Variants in SOX5 observed in about 807,000 individuals in gnomAD.
SOX5 encodes SRY-box transcription factor 5, also known as transcription factor SOX-5.
Under a neutral mutation model 92.0 loss-of-function variants are expected in SOX5, and 9 were observed. That is an observed-to-expected ratio of 0.10 (90% CI 0.06 to 0.17). The LOEUF (loss-of-function observed/expected upper bound fraction) is 0.17. Ranked by LOEUF, SOX5 falls within the 10% of genes least tolerant of loss-of-function variation. The pLI is 1.00. For synonymous variants in SOX5, 344 were observed against 336.3 expected (o/e 1.02, Z -0.25); for missense variants, 642 against 944.5 (o/e 0.68, Z 4.20).
At chr12:24,472,742 G>A (rs1208974353) in intron 1 of SOX5, among the ~76,000 whole-genome samples, 1 of 151,914 alleles carries the variant, frequency 6.6e-6, no homozygotes, top group African/African-American at 2.4e-5. Flanking sequence ...CTATCAATAA[G>A]AACATTATCA....
rs1259766767 is a variant in SOX5, at chr12:24,074,129, T to C, written c.-2+139214A>G. Reference sequence around the variant, plus strand: ...CTCTTGTTCCTCTTTCAAATTCATGTTTTATTTCTAAATTCATAAATGTAT... The same window carrying C: ...CTCTTGTTCCTCTTTCAAATTCATGCTTTATTTCTAAATTCATAAATGTAT... On this transcript the variant is annotated intron_variant, in intron 4 of 4. Coordinates refer to the SOX5 transcript ENST00000446891. 2.0e-5 allele frequency among the ~76,000 whole-genome samples: 3 copies of C among 152,132 alleles called. No individual in the cohort carries two copies. In the East Asian group the frequency reaches 5.8e-4, roughly 29 times the overall value.
intron 2 of SOX5, among the ~76,000 whole-genome samples, chr12:23,880,069 C>T (rs939524010): frequency 6.6e-6 from 1 of 152,142 alleles, no homozygotes; most frequent in Admixed American, 6.5e-5. Context: ...CAGCAGTACC[C>T]TAAGAAAGAA....
At chr12:23,921,171 T>A (rs1938141256) in intron 1 of SOX5, among the ~76,000 whole-genome samples, 1 of 152,086 alleles carries the variant, frequency 6.6e-6, no homozygotes, top group Admixed American at 6.5e-5. Flanking sequence ...GGAAGCCTAA[T>A]AAAGAAGTAC....
chr12:24,268,575 T>C (rs1943305676), intron 3 of SOX5, among the ~76,000 whole-genome samples: 1 of 152,210 alleles, frequency 6.6e-6, no homozygotes, highest in Non-Finnish European at 1.5e-5. Flanking sequence ...TAATGAATTA[T>C]TAAGAAACAA....
intron 4 of SOX5, among the ~76,000 whole-genome samples, chr12:23,968,852 T>A (rs1306192004): frequency 6.6e-6 from 1 of 152,204 alleles, no homozygotes; most frequent in East Asian, 1.9e-4. Context: ...CTTTGAATCT[T>A]CGAGATGCTT....
chr12:23,775,650 T>A (rs182710937), intron 3 of SOX5, among the ~76,000 whole-genome samples: 133 of 152,342 alleles, frequency 8.7e-4, no homozygotes, highest in Non-Finnish European at 1.5e-3. Context: ...CCTTCATTTA[T>A]TTCTCCACAG....
At chr12:23,682,097 G>T (rs140731466) in intron 6 of SOX5, among the ~76,000 whole-genome samples, 3 of 151,776 alleles carry the variant, frequency 2.0e-5, no homozygotes, top group African/African-American at 7.2e-5. Context: ...ATGGATATAT[G>T]TAGAATTCTG....
At chr12:24,094,458 T>C (rs1945077595) in intron 4 of SOX5, among the ~76,000 whole-genome samples, 1 of 151,204 alleles carries the variant, frequency 6.6e-6, no homozygotes, top group Admixed American at 6.6e-5. Flanking sequence ...TAGTGGCTTT[T>C]TTTTTTTTTT....
At chr12:24,122,493 A>G (rs1333137661) in intron 4 of SOX5, among the ~76,000 whole-genome samples, 4 of 152,224 alleles carry the variant, frequency 2.6e-5, no homozygotes, top group Non-Finnish European at 5.9e-5. Context: ...AGATTAAAAC[A>G]TGCTATCACC....
At chr12:24,028,326 C>A (rs896000321) in intron 4 of SOX5, among the ~76,000 whole-genome samples, 10 of 151,948 alleles carry the variant, frequency 6.6e-5, no homozygotes, top group Non-Finnish European at 1.5e-4. Context: ...AATGCCTTCT[C>A]AATATTGTTG....
intron 4 of SOX5, among the ~76,000 whole-genome samples, chr12:24,073,862 T>A (rs1055501854): frequency 2.6e-5 from 4 of 152,178 alleles, no homozygotes; most frequent in African/African-American, 9.6e-5. Flanking sequence ...GAATAGACAA[T>A]AAATTTTATT....
At chr12:24,330,275 T>C (rs1170433293) in intron 2 of SOX5, among the ~76,000 whole-genome samples, 1 of 152,020 alleles carries the variant, frequency 6.6e-6, no homozygotes, top group Non-Finnish European at 1.5e-5. Context: ...AAAGAAAAAC[T>C]TAGGTTGGCT....
chr12:24,348,942 T>C (rs1331426477), intron 2 of SOX5, among the ~76,000 whole-genome samples: 3 of 152,234 alleles, frequency 2.0e-5, no homozygotes, highest in Non-Finnish European at 4.4e-5. Context: ...CCTTCCACCA[T>C]GACTGTGAGG....
intron 6 of SOX5, among the ~76,000 whole-genome samples, chr12:23,689,816 C>T (rs979552656): frequency 9.9e-5 from 15 of 151,930 alleles, no homozygotes; most frequent in Non-Finnish European, 2.1e-4. Context: ...TCCTAGAGTC[C>T]GGTGAATAAA....
intron 2 of SOX5, among the ~76,000 whole-genome samples, chr12:24,286,040 A>T (rs1945823343): frequency 6.6e-6 from 1 of 152,222 alleles, no homozygotes; most frequent in Admixed American, 6.5e-5. Flanking sequence ...CTTAATCCAC[A>T]AGCTGAAACT....
At chr12:24,055,376 G>T (rs917070129) in intron 4 of SOX5, among the ~76,000 whole-genome samples, 1 of 152,124 alleles carries the variant, frequency 6.6e-6, no homozygotes, top group Non-Finnish European at 1.5e-5. Flanking sequence ...ATAAGCTACC[G>T]GTCAACAGTC....
chr12:24,423,131 G>C (rs1353192021), intron 1 of SOX5, among the ~76,000 whole-genome samples: 2 of 152,194 alleles, frequency 1.3e-5, no homozygotes, highest in Non-Finnish European at 2.9e-5. Flanking sequence ...CCTATAAATA[G>C]AAGTATATTC....
chr12:24,338,425 G>A (rs1952160741), intron 2 of SOX5, among the ~76,000 whole-genome samples: 1 of 152,080 alleles, frequency 6.6e-6, no homozygotes, highest in South Asian at 2.1e-4. Context: ...AAGAGAATAG[G>A]GGCGAAAAAT....
At chr12:24,261,935 G>A (rs765488794) in intron 3 of SOX5, among the ~76,000 whole-genome samples, 8 of 152,158 alleles carry the variant, frequency 5.3e-5, no homozygotes, top group South Asian at 2.1e-4. Context: ...ATATCAGATC[G>A]TGAAAATAAA....
Sources: gnomAD v4.1 joint callset for allele counts (sites outside exome capture counted in the v4.1 genomes callset) on GRCh38, gnomAD v4.1.1 for gene constraint, MANE v1.5 for transcripts, NCBI Gene and HGNC (gene_info 2026-07-23, HGNC 2026-07-21) for gene names.